The following CTNNA3 variants were observed in gnomAD, a reference collection of about 807,000 sequenced individuals.
CTNNA3 encodes catenin alpha 3, also known as catenin alpha-3.
CTNNA3 carries 76 observed loss-of-function variants against 95.7 expected under a neutral mutation model. That is an observed-to-expected ratio of 0.79 (90% CI 0.66 to 0.96). CTNNA3 has a LOEUF of 0.96. Among genes scored for constraint, CTNNA3 ranks in the 40% least tolerant of loss-of-function variants. The pLI, the probability that CTNNA3 is intolerant of heterozygous loss-of-function variation, is 0.00. For missense variants in CTNNA3, 1,191 were observed against 1,089.8 expected (o/e 1.09, Z -1.31); for synonymous variants, 431 against 374.4 (o/e 1.15, Z -1.74).
intron 13 of CTNNA3, among the ~76,000 whole-genome samples, chr10:66,113,649 T>G (rs1589438529): frequency 1.3e-5 from 2 of 152,190 alleles, no homozygotes; most frequent in East Asian, 1.9e-4. Flanking sequence ...TCATTTTTAT[T>G]AACTTTAGAA....
chr10:66,266,759 G>C (rs1279372353), intron 13 of CTNNA3, among the ~76,000 whole-genome samples: 2 of 151,860 alleles, frequency 1.3e-5, no homozygotes, highest in East Asian at 1.9e-4. Flanking sequence ...ATACAAAAAC[G>C]CTTGTTCCAA....
At chr10:66,660,635 C>T (rs984237174) in intron 9 of CTNNA3, among the ~76,000 whole-genome samples, 1 of 152,006 alleles carries the variant, frequency 6.6e-6, no homozygotes, top group Non-Finnish European at 1.5e-5. Context: ...ATGCTTTTTG[C>T]CCAGGAATTT....
intron 1 of CTNNA3, among the ~76,000 whole-genome samples, chr10:67,749,080 T>G (rs1207409059): frequency 6.6e-6 from 1 of 152,206 alleles, no homozygotes; most frequent in African/African-American, 2.4e-5. Flanking sequence ...GGTAAAGGGA[T>G]TAATTCAGTG....
intron 5 of CTNNA3, among the ~76,000 whole-genome samples, chr10:67,428,365 A>G (rs116232521): frequency 0.017 from 2,654 of 152,164 alleles, 85 homozygotes; most frequent in African/African-American, 0.058. Context: ...AATGAGTTGA[A>G]GACACGTAAA....
At chr10:66,180,071 T>A (rs2085957230) in intron 13 of CTNNA3, among the ~76,000 whole-genome samples, 1 of 152,176 alleles carries the variant, frequency 6.6e-6, no homozygotes, top group South Asian at 2.1e-4. Context: ...AATGGCGGCA[T>A]ATTATGGCTG....
At chr10:67,186,747 G>A (rs10997557) in intron 6 of CTNNA3, among the ~76,000 whole-genome samples, 11,413 of 152,058 alleles carry the variant, frequency 0.075, 612 homozygotes, top group African/African-American at 0.15. Context: ...TGTTTTTTCA[G>A]GATGCCACTC....
chr10:67,392,307 G>T (rs2132774228), intron 5 of CTNNA3, among the ~76,000 whole-genome samples: 1 of 152,328 alleles, frequency 6.6e-6, no homozygotes, highest in South Asian at 2.1e-4. Flanking sequence ...GTGAAAAAAT[G>T]CTCATCATCA....
At chr10:66,344,420 C>A (rs1233721048) in intron 12 of CTNNA3, among the ~76,000 whole-genome samples, 1 of 151,394 alleles carries the variant, frequency 6.6e-6, no homozygotes, top group East Asian at 2.0e-4. Context: ...GCATGTGCCA[C>A]CATGCCCGGC....
intron 1 of CTNNA3, among the ~76,000 whole-genome samples, chr10:67,733,001 C>G (rs574707256): frequency 3.9e-5 from 6 of 151,958 alleles, no homozygotes; most frequent in Non-Finnish European, 5.9e-5. Flanking sequence ...AGGTATGTAA[C>G]AGCGTTTATG....
At chr10:67,440,683 G>A (rs1202848606) in intron 5 of CTNNA3, among the ~76,000 whole-genome samples, 1 of 152,064 alleles carries the variant, frequency 6.6e-6, no homozygotes, top group African/African-American at 2.4e-5. Context: ...GAGAACAAGA[G>A]TCTCTGCCTA....
intron 13 of CTNNA3, among the ~76,000 whole-genome samples, chr10:66,197,226 C>T (rs1248530218): frequency 1.3e-5 from 2 of 151,840 alleles, no homozygotes; most frequent in African/African-American, 4.8e-5. Flanking sequence ...AAAAACAAAA[C>T]AGAGTGTAGA....
intron 1 of CTNNA3, among the ~76,000 whole-genome samples, chr10:67,655,552 G>A (rs981624584): frequency 3.9e-5 from 6 of 152,210 alleles, no homozygotes; most frequent in Non-Finnish European, 8.8e-5. Context: ...TTGGGAGGCA[G>A]AGGCCAGCCT....
chr10:67,657,712 T>A (rs544429684), intron 1 of CTNNA3, among the ~76,000 whole-genome samples: 4 of 151,168 alleles, frequency 2.6e-5, no homozygotes, highest in Admixed American at 2.6e-4. Context: ...CCGGGAATTG[T>A]GGTGGGCGCC....
At chr10:66,884,056 T>C (rs916890461) in intron 7 of CTNNA3, among the ~76,000 whole-genome samples, 3 of 152,088 alleles carry the variant, frequency 2.0e-5, no homozygotes, top group Non-Finnish European at 2.9e-5. Context: ...AGAAATCACA[T>C]GGTGAAAGAG....
intron 13 of CTNNA3, among the ~76,000 whole-genome samples, chr10:66,271,465 C>A (rs535611797): frequency 6.6e-6 from 1 of 152,236 alleles, no homozygotes; most frequent in Non-Finnish European, 1.5e-5. Context: ...AGATTGAATA[C>A]TTAATATAAA....
chr10:66,052,972 A>G (rs1019178935), intron 15 of CTNNA3, among the ~76,000 whole-genome samples: 1 of 152,120 alleles, frequency 6.6e-6, no homozygotes, highest in African/African-American at 2.4e-5. Context: ...AATTCTATGC[A>G]TAGAATATAT....
At chr10:67,021,530 A>G (rs889268173) in intron 7 of CTNNA3, among the ~76,000 whole-genome samples, 5 of 152,164 alleles carry the variant, frequency 3.3e-5, no homozygotes, top group Non-Finnish European at 7.4e-5. Context: ...AACAAAAATT[A>G]CAATAAAAAA....
intron 7 of CTNNA3, among the ~76,000 whole-genome samples, chr10:67,025,067 T>G (rs1451677029): frequency 6.8e-6 from 1 of 147,144 alleles, no homozygotes; most frequent in Non-Finnish European, 1.5e-5. Context: ...GAGCGGAGGT[T>G]GCGGTGAGCC....
intron 7 of CTNNA3, among the ~76,000 whole-genome samples, chr10:66,978,453 G>T (rs1203454694): frequency 6.8e-6 from 1 of 147,572 alleles, no homozygotes; most frequent in Non-Finnish European, 1.5e-5. Flanking sequence ...CTTTAACCTG[G>T]GAGGCGGAGG....
Sources: gnomAD v4.1 joint callset for allele counts (sites outside exome capture counted in the v4.1 genomes callset) on GRCh38, gnomAD v4.1.1 for gene constraint, MANE v1.5 for transcripts, NCBI Gene and HGNC (gene_info 2026-07-23, HGNC 2026-07-21) for gene names.